The following SOX5 variants were observed in gnomAD, a reference collection of about 807,000 sequenced individuals.
SOX5 encodes the protein transcription factor SOX-5.
Under a neutral mutation model 92.0 loss-of-function variants are expected in SOX5, and 9 were observed. The ratio of observed to expected loss-of-function variants is 0.10; its 90% CI spans 0.06 to 0.17. SOX5 has a LOEUF of 0.17. SOX5 is among the 10% of genes least tolerant of loss of function. The probability of loss-of-function intolerance (pLI) is 1.00; values close to 1 mark genes in which losing one functional copy is unlikely to be tolerated. For synonymous variants in SOX5, 344 were observed against 336.3 expected (o/e 1.02, Z -0.25); for missense variants, 642 against 944.5 (o/e 0.68, Z 4.20).
intron 3 of SOX5, among the ~76,000 whole-genome samples, chr12:24,223,116 G>A (rs1400760871): frequency 6.6e-6 from 1 of 152,178 alleles, no homozygotes; most frequent in Non-Finnish European, 1.5e-5. Context: ...CATGTGTAGA[G>A]TTGAGTCATC....
At chr12:23,960,870 G>A (rs1946852735) in intron 4 of SOX5, among the ~76,000 whole-genome samples, 1 of 152,096 alleles carries the variant, frequency 6.6e-6, no homozygotes, top group African/African-American at 2.4e-5. Flanking sequence ...GTAGGAGGAA[G>A]TGGGAACTGG....
chr12:23,896,188 G>T (rs1348700435), intron 1 of SOX5, among the ~76,000 whole-genome samples, 164 bp from the exon 2 acceptor site: 1 of 152,156 alleles, frequency 6.6e-6, no homozygotes, highest in African/African-American at 2.4e-5. Context: ...AGAAACAATG[G>T]CCAAGCAGGT....
chr12:24,173,055 G>C (rs1316161149), intron 4 of SOX5, among the ~76,000 whole-genome samples: 4 of 152,162 alleles, frequency 2.6e-5, no homozygotes, highest in Non-Finnish European at 5.9e-5. Flanking sequence ...AAAACCTAGA[G>C]AGATTAGGAA....
At chr12:24,141,079 A>C (rs1293678362) in intron 4 of SOX5, among the ~76,000 whole-genome samples, 3 of 152,202 alleles carry the variant, frequency 2.0e-5, no homozygotes, top group African/African-American at 7.2e-5. Flanking sequence ...TAAAACCATT[A>C]GAACATTCTC....
chr12:24,221,336 AATTT>A (rs767918353), intron 3 of SOX5, among the ~76,000 whole-genome samples: 2 of 152,194 alleles, frequency 1.3e-5, no homozygotes, highest in Admixed American at 6.5e-5. Flanking sequence ...CTCTAAAATT[AATTT>A]GTTTTATAAC....
At chr12:23,640,308 T>C (rs1267862744) in intron 8 of SOX5, among the ~76,000 whole-genome samples, 5 of 152,206 alleles carry the variant, frequency 3.3e-5, no homozygotes, top group Non-Finnish European at 5.9e-5. Flanking sequence ...TGGGATAAAG[T>C]TGTGCTTATT....
At chr12:24,354,689 T>C (rs1245873689) in intron 2 of SOX5, among the ~76,000 whole-genome samples, 2 of 152,198 alleles carry the variant, frequency 1.3e-5, no homozygotes, top group Non-Finnish European at 2.9e-5. Context: ...ATATCAAAGA[T>C]AAATGATAGG....
At chr12:23,574,464 A>C (rs1223773328) in intron 10 of SOX5, among the ~76,000 whole-genome samples, 1 of 152,170 alleles carries the variant, frequency 6.6e-6, no homozygotes, top group African/African-American at 2.4e-5. Context: ...CATAAATTCA[A>C]AATTCTAGTT....
intron 2 of SOX5, among the ~76,000 whole-genome samples, chr12:24,350,723 G>C (rs77049087): frequency 3.0e-4 from 45 of 152,258 alleles, no homozygotes; most frequent in African/African-American, 1.1e-3. Flanking sequence ...GTGTATATGT[G>C]TGTGAGCATT....
At chr12:24,229,161 A>G (rs1270405174) in intron 3 of SOX5, among the ~76,000 whole-genome samples, 4 of 152,242 alleles carry the variant, frequency 2.6e-5, no homozygotes, top group African/African-American at 9.6e-5. Flanking sequence ...CTCCACCAGC[A>G]TCAGGCACCG....
chr12:24,212,067 T>C (rs917554866), intron 4 of SOX5, among the ~76,000 whole-genome samples: 4 of 152,248 alleles, frequency 2.6e-5, no homozygotes, highest in Non-Finnish European at 4.4e-5. Context: ...CAAGAATCAG[T>C]GCAGACACAC....
chr12:23,920,765 C>G (rs903869229), intron 1 of SOX5, among the ~76,000 whole-genome samples: 11 of 152,100 alleles, frequency 7.2e-5, no homozygotes, highest in African/African-American at 2.7e-4. Flanking sequence ...TCCATAGTTA[C>G]TTAATTTGAG....
intron 1 of SOX5, among the ~76,000 whole-genome samples, chr12:23,948,361 CTT>C (rs1254718522): frequency 1.3e-5 from 2 of 152,064 alleles, no homozygotes; most frequent in African/African-American, 4.8e-5. Context: ...CCTCAATACT[CTT>C]TTTCTCTTCC....
At chr12:24,503,956 A>G (rs541641920) in intron 1 of SOX5, among the ~76,000 whole-genome samples, 1 of 152,282 alleles carries the variant, frequency 6.6e-6, no homozygotes, top group African/African-American at 2.4e-5. Flanking sequence ...AATGTATCCC[A>G]GAACTTAAAG....
At chr12:24,531,940 GA>G (rs1951231589) in intron 1 of SOX5, among the ~76,000 whole-genome samples, 1 of 152,140 alleles carries the variant, frequency 6.6e-6, no homozygotes, top group Non-Finnish European at 1.5e-5. Context: ...GCAGGACAGA[GA>G]AAGACCTCAA....
chr12:23,784,455 T>C (rs1360008650), intron 3 of SOX5, among the ~76,000 whole-genome samples: 1 of 151,944 alleles, frequency 6.6e-6, no homozygotes, highest in Middle Eastern at 3.2e-3. Context: ...GCCTCCCGAG[T>C]AGCTGGCACT....
At chr12:24,186,689 A>C (rs1054312485) in intron 4 of SOX5, among the ~76,000 whole-genome samples, 1 of 152,156 alleles carries the variant, frequency 6.6e-6, no homozygotes, top group Non-Finnish European at 1.5e-5. Context: ...CTTAAACAAA[A>C]AAGTAGGCTC....
chr12:23,977,343 A>T (rs529177685), intron 4 of SOX5, among the ~76,000 whole-genome samples: 1 of 152,272 alleles, frequency 6.6e-6, no homozygotes, highest in South Asian at 2.1e-4. Context: ...AGTCAATGGG[A>T]CTGAAGTCTG....
intron 1 of SOX5, among the ~76,000 whole-genome samples, chr12:24,390,180 C>T (rs548830607): frequency 1.1e-4 from 16 of 152,224 alleles, no homozygotes; most frequent in East Asian, 9.6e-4. Flanking sequence ...CAGCTTTAGA[C>T]ATTAAATTGT....
Sources: gnomAD v4.1 joint callset for allele counts (sites outside exome capture counted in the v4.1 genomes callset) on GRCh38, gnomAD v4.1.1 for gene constraint, MANE v1.5 for transcripts, NCBI Gene and HGNC (gene_info 2026-07-23, HGNC 2026-07-21) for gene names.